The following PRKN variants were observed in gnomAD, a reference collection of about 807,000 sequenced individuals.
PRKN encodes parkin RBR E3 ubiquitin protein ligase, also known as E3 ubiquitin-protein ligase parkin.
PRKN carries 56 observed loss-of-function variants against 59.5 expected under a neutral mutation model. The ratio of observed to expected loss-of-function variants is 0.94; its 90% CI spans 0.76 to 1.18. The LOEUF is 1.18. Among genes scored for constraint, PRKN ranks in the 50% most tolerant of loss-of-function variants. The pLI is 0.00. For synonymous variants in PRKN, 250 were observed against 222.1 expected (o/e 1.13, Z -1.12); for missense variants, 657 against 596.4 (o/e 1.10, Z -1.06).
intron 4 of PRKN, among the ~76,000 whole-genome samples, chr6:162,156,856 T>C (rs1242607151): frequency 2.0e-5 from 3 of 152,066 alleles, no homozygotes; most frequent in African/African-American, 7.2e-5. Flanking sequence ...ACATCACCCA[T>C]TTGGGGTTTG....
In PRKN at chr6:162,438,512, A is replaced by AAT. The variant is rs35761365; in HGVS notation, c.171+4797_171+4798insAT. Among the ~76,000 whole-genome samples, 1,210 of 151,856 alleles carry AAT rather than the reference A, an allele frequency of 8.0e-3. 9 individuals are homozygous for AAT. Among genetic ancestry groups the AAT allele is most frequent in the African/African-American group, 0.028 (1,143 of 41,416 alleles). Reference sequence around the variant, plus strand: ...TAGTTTTTCTTTATCTAAAAAAAAAAGTATTGATTTGTTCTTTCTTCCTGA... The same window carrying AAT: ...TAGTTTTTCTTTATCTAAAAAAAAAAATGTATTGATTTGTTCTTTCTTCCTGA... On this transcript the variant is annotated intron_variant, in intron 2 of 11. Transcript: ENST00000366898.
chr6:161,995,536 C>G (rs1483712379), intron 5 of PRKN, among the ~76,000 whole-genome samples: 1 of 151,948 alleles, frequency 6.6e-6, no homozygotes, highest in East Asian at 1.9e-4. Context: ...CCAGAATACA[C>G]AAGGAACTCA....
intron 1 of PRKN, among the ~76,000 whole-genome samples, chr6:162,468,173 T>G (rs1441368947): frequency 6.6e-6 from 1 of 152,196 alleles, no homozygotes; most frequent in African/African-American, 2.4e-5. Flanking sequence ...ACATGGAAAT[T>G]GCTCCATATA....
chr6:162,689,662 A>G (rs1434947395), intron 1 of PRKN, among the ~76,000 whole-genome samples: 1 of 152,232 alleles, frequency 6.6e-6, no homozygotes, highest in African/African-American at 2.4e-5. Context: ...ATTGAAAACA[A>G]GTCTCCAGGA....
chr6:162,448,487 T>C (rs777999358), intron 1 of PRKN, among the ~76,000 whole-genome samples: 8 of 152,148 alleles, frequency 5.3e-5, no homozygotes, highest in Non-Finnish European at 1.0e-4. Context: ...TGTCATCACA[T>C]TTCAGTTCTT....
intron 3 of PRKN, among the ~76,000 whole-genome samples, chr6:162,217,799 G>C (rs528697805): frequency 9.4e-4 from 143 of 152,252 alleles, no homozygotes; most frequent in Non-Finnish European, 1.9e-3. Flanking sequence ...ACACTATCAT[G>C]GTATTGTTAA....
chr6:162,276,623 G>A (rs1780646612), intron 2 of PRKN, among the ~76,000 whole-genome samples: 8 of 151,486 alleles, frequency 5.3e-5, no homozygotes. Flanking sequence ...TTCTACTTTT[G>A]TCTGTTTAAT....
chr6:162,010,131 C>G (rs1583474627), intron 5 of PRKN, among the ~76,000 whole-genome samples: 1 of 148,586 alleles, frequency 6.7e-6, no homozygotes, highest in Admixed American at 7.0e-5. Flanking sequence ...GCAGATGTCA[C>G]TTCCTCTGGC....
At chr6:162,368,123 A>G (rs1166345332) in intron 2 of PRKN, among the ~76,000 whole-genome samples, 1 of 152,148 alleles carries the variant, frequency 6.6e-6, no homozygotes, top group Non-Finnish European at 1.5e-5. Flanking sequence ...TGGGAAATAC[A>G]GTTTCCTCCC....
chr6:161,570,347 A>C (rs1780842286), intron 7 of PRKN, among the ~76,000 whole-genome samples: 1 of 147,276 alleles, frequency 6.8e-6, no homozygotes, highest in Non-Finnish European at 1.5e-5. Flanking sequence ...ATATATATTT[A>C]TATATAATAA....
At chr6:161,745,555 T>A (rs1161469979) in intron 7 of PRKN, among the ~76,000 whole-genome samples, 4 of 152,206 alleles carry the variant, frequency 2.6e-5, no homozygotes, top group Non-Finnish European at 5.9e-5. Context: ...ATGCTTTCTC[T>A]TGCTGTTGGA....
Position 161,544,351 on chromosome 6 carries a change from T to C in PRKN, c.1083+4503A>G, listed in dbSNP as rs186798717. On this transcript the variant is annotated intron_variant, in intron 9 of 11. Transcript: ENST00000366898. The surrounding 1 kb of genome is among the most constrained non-coding windows in gnomAD (Gnocchi z 5.5). ...TAAAACACTGTATATTGTATAAGTA[T>C]ATAAAGGTGCTTACGTATTTTTCAA... is the stretch of plus-strand genomic sequence containing the variant. 1.4e-4 allele frequency among the ~76,000 whole-genome samples: 21 copies of C among 152,332 alleles called. No individual in the cohort carries two copies. Among genetic ancestry groups the C allele is most frequent in the Admixed American group, 1.2e-3 (18 of 15,298 alleles).
rs560337187 is a variant in PRKN, at chr6:162,103,861, G to A, written c.535-49687C>T. Among the ~76,000 whole-genome samples the A allele has an allele frequency of 8.5e-5, 13 of 152,300 alleles. 2 individuals carry two copies. The South Asian group carries it at 2.7e-3, about 32-fold the overall frequency. ...GCTGCCTCCTCTTCCTCACCTGTAT[G>A]TAGCTGTGAAATCCTGGGCACTGTT... On this transcript the variant is annotated intron_variant, in intron 4 of 11. Coordinates refer to ENST00000366898, the MANE Select transcript of PRKN (RefSeq NM_004562.3).
At chr6:161,412,778 CTCAT>C in intron 9 of PRKN, among the ~76,000 whole-genome samples, 2 of 151,048 alleles carry the variant, frequency 1.3e-5, no homozygotes. Context: ...CCTTCACTCA[CTCAT>C]TCCTTCCTCA....
intron 6 of PRKN, among the ~76,000 whole-genome samples, chr6:161,950,523 C>T (rs1450369157): frequency 7.9e-5 from 12 of 152,004 alleles, no homozygotes; most frequent in Non-Finnish European, 1.5e-4. Flanking sequence ...CCAGCCTGGG[C>T]GGCAGAGTGA....
chr6:162,002,434 A>T (rs1782094085), intron 5 of PRKN, among the ~76,000 whole-genome samples: 1 of 152,090 alleles, frequency 6.6e-6, no homozygotes, highest in South Asian at 2.1e-4. Context: ...TTGTAAATAT[A>T]GATTTGTTCA....
intron 7 of PRKN, among the ~76,000 whole-genome samples, chr6:161,647,448 T>A (rs1195420576): frequency 1.3e-5 from 2 of 152,084 alleles, no homozygotes; most frequent in African/African-American, 4.8e-5. Flanking sequence ...CAATAAATAT[T>A]TAAAAACAGA....
At chr6:161,817,062 T>A (rs558557200) in intron 6 of PRKN, among the ~76,000 whole-genome samples, 1 of 152,284 alleles carries the variant, frequency 6.6e-6, no homozygotes, top group African/African-American at 2.4e-5. Flanking sequence ...TTCTAATTTG[T>A]GCTTCGATTT....
At chr6:162,004,882 G>A (rs1316176237) in intron 5 of PRKN, among the ~76,000 whole-genome samples, 1 of 152,148 alleles carries the variant, frequency 6.6e-6, no homozygotes, top group Non-Finnish European at 1.5e-5. Context: ...GGCTCAGTGG[G>A]ATAAATTGTA....
Sources: gnomAD v4.1 joint callset for allele counts (sites outside exome capture counted in the v4.1 genomes callset) on GRCh38, gnomAD v4.1.1 for gene constraint, Gnocchi (gnomAD v3.1) non-coding constraint, MANE v1.5 for transcripts, NCBI Gene and HGNC (gene_info 2026-07-23, HGNC 2026-07-21) for gene names.